The following SH3D21 variants were observed in gnomAD, a reference collection of about 807,000 sequenced individuals.
SH3D21 encodes the protein manchette microtubule inner protein 1.
SH3D21 carries 83 observed loss-of-function variants against 82.1 expected under a neutral mutation model. That is an observed-to-expected ratio of 1.01 (90% CI 0.85 to 1.21). The LOEUF (loss-of-function observed/expected upper bound fraction) is 1.21, where lower values mean the gene tolerates loss of function less well. Among genes scored for constraint, SH3D21 ranks in the 50% most tolerant of loss-of-function variants. SH3D21 has a pLI of 0.00. For synonymous variants in SH3D21, 383 were observed against 387.8 expected, an observed-to-expected ratio of 0.99 and a Z score of 0.15; for missense variants, 980 against 962.1, an observed-to-expected ratio of 1.02 and a Z score of -0.25.
chr1:36,322,109 C>T, downstream of SH3D21: 3 of 1,354,658 alleles, frequency 2.2e-6, no homozygotes, highest in Non-Finnish European at 2.9e-6. Flanking sequence ...ACCCTGCATG[C>T]TGCCCCCTCC....
At chr1:36,328,597 C>A, downstream of SH3D21, 1 of 186,310 alleles carries the variant, frequency 5.4e-6, no homozygotes, top group Non-Finnish European at 1.1e-5. Context: ...ATGGCGAAAC[C>A]CCATTTCTAC....
Position 36,318,487 on chromosome 1 carries a change from T to A in SH3D21, c.770-584T>A, listed in dbSNP as rs191229117. ...GAGAGAATATAAAGAATTCTGAGAG[T>A]GGGCTGGGCGCGATGGCTCACACCT... On this transcript the variant is annotated intron_variant, in intron 10 of 15. Coordinates refer to ENST00000453908, the MANE Select transcript of SH3D21 (RefSeq NM_001162530.2). 1.6e-4 allele frequency among the ~76,000 whole-genome samples: 24 copies of A among 152,048 alleles called. No homozygotes were observed. The East Asian group carries it at 4.2e-3, about 27-fold the overall frequency.
chr1:36,320,816 G>A lies in SH3D21; in HGVS notation c.2135+18G>A. On this transcript the variant is annotated intron_variant, in intron 14 of 15. Coordinates refer to ENST00000453908, the MANE Select transcript of SH3D21 (RefSeq NM_001162530.2). ...CAGCTGGAGTGAGTGGGCAGTGGCG[G>A]GGGTTGTGGAAGGTAGGGTTCCCCC... The A allele has an allele frequency of 1.3e-6, 2 of 1,553,358 alleles. No individual in the cohort carries two copies. The highest frequency in any genetic ancestry group is 1.7e-6 in the Non-Finnish European group (2 of 1,147,872).
At chr1:36,309,263 C>G (rs188650587) in intron 9 of SH3D21, among the ~76,000 whole-genome samples, 1 of 151,254 alleles carries the variant, frequency 6.6e-6, no homozygotes, top group African/African-American at 2.4e-5. Flanking sequence ...GCGGCAGGAT[C>G]GCCACTCACT....
At chr1:36,322,935 G>C, downstream of SH3D21, 1 of 1,603,392 alleles carries the variant, frequency 6.2e-7, no homozygotes, top group South Asian at 1.1e-5. Flanking sequence ...GTCAGGGAAG[G>C]GTTCAGGCCC....
chr1:36,306,842 G>C lies in SH3D21; in HGVS notation c.163G>C (p.Glu55Gln), dbSNP rs1313119859. The C allele has an allele frequency of 5.4e-6, 7 of 1,296,858 alleles. No individual in the cohort carries two copies. The highest frequency in any genetic ancestry group is 6.1e-6 in the Non-Finnish European group (6 of 990,722). 80.3% of individuals were successfully genotyped at this position (1,296,858 alleles called of 1,614,324 possible). The change falls in exon 3 of 16, where the codon GAG becomes CAG. Residue 55 changes from glutamate (E) to glutamine (Q), a missense_variant and splice_region_variant. Physicochemically the swap from Glu to Gln is conservative, Grantham distance 29 (BLOSUM62 2). Transcript: ENST00000453908. This position sits in a 1 kb window ranked among gnomAD's most constrained non-coding sequence, Gnocchi z 4.5. The stretch of plus-strand genomic sequence containing the variant: ...GCCTTCCCCGTGCCCTGATTCCCAG[G>C]AGATCCCAGAGACCCTGCGGGGCTC... ...YGLFPERLVQ[E>Q]IPETLRGSGE... is the part of the protein sequence containing the mutation.
intron 10 of SH3D21, among the ~76,000 whole-genome samples, chr1:36,313,916 C>G (rs796728432): frequency 5.4e-5 from 8 of 149,078 alleles, no homozygotes; most frequent in African/African-American, 2.0e-4. Flanking sequence ...GAAGTGGTAT[C>G]TCATTGTGGC....
At chr1:36,322,518 T>A (rs758023174), downstream of SH3D21, 2 of 1,601,010 alleles carry the variant, frequency 1.2e-6, no homozygotes, top group South Asian at 2.2e-5. Flanking sequence ...CAGCGTGTCG[T>A]CGGGGCCCAG....
At position 36,320,525 on chromosome 1, in the gene SH3D21, G is replaced by A. The variant is rs1187469124; in HGVS notation, c.1862G>A (p.Gly621Glu). 8 of 1,614,024 alleles carry A rather than the reference G, an allele frequency of 5.0e-6. No individual in the cohort carries two copies. The Admixed American group carries it at 1.2e-4, about 24-fold the overall frequency. ...AGAGAGGAGGTGCTCCCCAAAGAGGGAGTGGCTTCCAAAGAGGAGGTGACC... is the reference window on the plus strand; with the variant it reads ...AGAGAGGAGGTGCTCCCCAAAGAGGAAGTGGCTTCCAAAGAGGAGGTGACC... ...PLREEVLPKE[G>E]VASKEEVTLK... Residue 621 changes from glycine (G) to glutamate (E), a missense_variant, in exon 14 of 16, where the codon GGA becomes GAA. Coordinates refer to ENST00000453908, the MANE Select transcript of SH3D21 (RefSeq NM_001162530.2).
downstream of SH3D21, among the ~76,000 whole-genome samples, chr1:36,327,499 G>C (rs140116499): frequency 5.0e-3 from 768 of 152,338 alleles, 5 homozygotes; most frequent in African/African-American, 0.017. Flanking sequence ...TTTTGGATCT[G>C]TTTCTGTCAA....
intron 10 of SH3D21, among the ~76,000 whole-genome samples, chr1:36,318,863 C>T (rs941387580): frequency 2.7e-5 from 4 of 150,738 alleles, no homozygotes; most frequent in Non-Finnish European, 4.4e-5. Flanking sequence ...GAGCCGAGAT[C>T]GCACCACTGG....
At chr1:36,322,603 G>T, downstream of SH3D21, 1 of 1,556,314 alleles carries the variant, frequency 6.4e-7, no homozygotes. Context: ...TCCCGGCGCT[G>T]AGCCGGGCCC....
Position 36,307,037 on chromosome 1 carries a change from T to C in SH3D21, c.227-130T>C, listed in dbSNP as rs1017003533. The C allele has an allele frequency of 1.4e-6, 2 of 1,458,518 alleles. No individual in the cohort carries two copies. Among genetic ancestry groups the C allele is most frequent in the East Asian group, 2.5e-5 (1 of 39,308 alleles). 90.3% of individuals were successfully genotyped at this position (1,458,518 alleles called of 1,614,324 possible). ...GGGCCGCCCTGCGGTCTGTGATTGG[T>C]TCTCGAGTGCAATGCTCCGCCCTGG... On this transcript the variant is annotated intron_variant, in intron 3 of 15. Coordinates refer to ENST00000453908, the MANE Select transcript of SH3D21 (RefSeq NM_001162530.2). The surrounding 1 kb of genome is among the most constrained non-coding windows in gnomAD (Gnocchi z 5.4).
chr1:36,317,377 A>G (rs545079450), intron 10 of SH3D21, among the ~76,000 whole-genome samples: 4 of 152,228 alleles, frequency 2.6e-5, no homozygotes, highest in Non-Finnish European at 5.9e-5. Flanking sequence ...GTGGATTTGT[A>G]TACGTATCTG....
downstream of SH3D21, among the ~76,000 whole-genome samples, chr1:36,325,529 G>A (rs986455416): frequency 6.6e-6 from 1 of 152,006 alleles, no homozygotes; most frequent in African/African-American, 2.4e-5. Context: ...AATACTGAGG[G>A]ACAGTTTTTT....
In SH3D21 at chr1:36,320,376, A is replaced by G. The variant is rs2124698500; in HGVS notation, c.1713A>G (p.Ala571=). 6.2e-7 allele frequency: 1 copy of G among 1,613,532 alleles called. No individual in the cohort carries two copies. The highest frequency in any genetic ancestry group is 8.5e-7 in the Non-Finnish European group (1 of 1,179,986). ...AGGCTGAGTTGAAGTCTGGGCCAGC[A>G]TCCAGGCCTGCCCTTGAGAAGCCCC... is the stretch of plus-strand genomic sequence containing the variant. ...PRQAELKSGP[A]SRPALEKPHP... The change falls in exon 14 of 16, where the codon GCA becomes GCG. Residue 571 remains alanine (A), a synonymous_variant. Transcript: ENST00000453908.
chr1:36,320,263 G>A lies in SH3D21; in HGVS notation c.1600G>A (p.Glu534Lys). ...ATCCCAGGAGGAGGCCCACACGCCA[G>A]AGGCACCCCCACCCCAGCCTCCTTC... is the stretch of plus-strand genomic sequence containing the variant. ...PSSQEEAHTPEAPPPQPPSSE... is the reference protein window; with the variant it reads ...PSSQEEAHTPKAPPPQPPSSE... Residue 534 changes from glutamate (E) to lysine (K), a missense_variant, in exon 14 of 16, where the codon GAG (glutamate) becomes AAG (lysine). Coordinates refer to ENST00000453908, the MANE Select transcript of SH3D21 (RefSeq NM_001162530.2). 6.2e-7 allele frequency: 1 copy of A among 1,612,898 alleles called. No individual in the cohort carries two copies. The highest frequency in any genetic ancestry group is 8.5e-7 in the Non-Finnish European group (1 of 1,179,914).
At chr1:36,328,186 G>T (rs776282324), downstream of SH3D21, 1 of 454,368 alleles carries the variant, frequency 2.2e-6, no homozygotes, top group South Asian at 1.6e-5. Context: ...CTTGATGGAA[G>T]GTTGGGGGGC....
chr1:36,306,513 C>T lies in SH3D21; in HGVS notation c.5-85C>T, dbSNP rs1483110180. 3 of 1,303,998 alleles carry T rather than the reference C, an allele frequency of 2.3e-6. No homozygotes were observed. Among genetic ancestry groups the T allele is most frequent in the South Asian group, 1.2e-5 (1 of 80,988 alleles). The allele number at this position is 1,303,998 out of a possible 1,614,324, so 80.8% of individuals were successfully genotyped here. A position where few individuals can be genotyped will look rare whatever the true frequency, so the allele number is the denominator to read the frequency against. Reference sequence around the variant, plus strand: ...ACCCCCCGACCCCCGCTGCCCTCTACGGTGCTTGGGGACACGCCCGCCCTA... The same window carrying T: ...ACCCCCCGACCCCCGCTGCCCTCTATGGTGCTTGGGGACACGCCCGCCCTA... On this transcript the variant is annotated intron_variant, in intron 1 of 15. Transcript: ENST00000453908. This position sits in a 1 kb window ranked among gnomAD's most constrained non-coding sequence, Gnocchi z 4.5.
Sources: allele counts gnomAD v4.1 joint callset (sites outside exome capture counted in the v4.1 genomes callset), GRCh38; gene constraint gnomAD v4.1.1; non-coding constraint Gnocchi (gnomAD v3.1); transcripts MANE v1.5; gene names NCBI Gene and HGNC (gene_info 2026-07-23, HGNC 2026-07-21).